Variants in RSPO3 observed in about 807,000 individuals in gnomAD.
RSPO3 encodes R-spondin 3, also known as R-spondin-3.
In RSPO3, 17 loss-of-function variants were observed where a neutral mutation model predicts 36.5. That is an observed-to-expected ratio of 0.47 (90% CI 0.32 to 0.70). The LOEUF (loss-of-function observed/expected upper bound fraction) is 0.70. RSPO3 is among the 30% of genes least tolerant of loss of function. The pLI is 0.04. For missense variants in RSPO3, 294 were observed against 322.5 expected (o/e 0.91, Z 0.68); for synonymous variants, 108 against 107.0 (o/e 1.01, Z -0.06).
intron 4 of RSPO3, among the ~76,000 whole-genome samples, chr6:127,168,731 G>C (rs1378578805): frequency 6.6e-6 from 1 of 152,062 alleles, no homozygotes; most frequent in Non-Finnish European, 1.5e-5. Context: ...TATGGTTTTA[G>C]GTCTGACATT....
intron 4 of RSPO3, among the ~76,000 whole-genome samples, chr6:127,184,884 G>C (rs1485783063): frequency 1.3e-5 from 2 of 151,734 alleles, no homozygotes; most frequent in Non-Finnish European, 2.9e-5. Flanking sequence ...TTCCATCAGT[G>C]GTGGAAAGGG....
At chr6:127,161,486 A>G (rs1294541537) in intron 4 of RSPO3, among the ~76,000 whole-genome samples, 1 of 152,034 alleles carries the variant, frequency 6.6e-6, no homozygotes, top group Non-Finnish European at 1.5e-5. Context: ...TTTGCTCCAT[A>G]CCATTTTTGT....
chr6:127,188,826 T>G lies in RSPO3; in HGVS notation c.635-6997T>G, dbSNP rs565345156. Among the ~76,000 whole-genome samples the G allele has an allele frequency of 2.7e-4, 41 of 152,298 alleles. No individual in the cohort carries two copies. In the South Asian group the frequency reaches 2.7e-3, roughly 10 times the overall value. ...TAAGAAAGTACACTCCAAATCTTGA[T>G]TTTTATAAAACTCCTCTCTTTTAAA... On this transcript the variant is annotated intron_variant, in intron 4 of 4. Coordinates refer to ENST00000356698, the MANE Select transcript of RSPO3 (RefSeq NM_032784.5).
intron 4 of RSPO3, among the ~76,000 whole-genome samples, chr6:127,168,489 A>C (rs1051065417): frequency 2.0e-5 from 3 of 152,098 alleles, no homozygotes. Context: ...TTCTTTGTAC[A>C]TTCTGGATAT....
At position 127,197,669 on chromosome 6, in the gene RSPO3, G is replaced by A. The variant is rs6935292; in HGVS notation, c.*1662G>A. 2.9e-5 allele frequency: 28 copies of A among 962,274 alleles called. No homozygotes were observed. The highest frequency in any genetic ancestry group is 3.3e-4 in the Middle Eastern group (1 of 3,018). 59.6% of individuals were successfully genotyped at this position (962,274 alleles called of 1,614,324 possible). ...TCTGGCTGCTTATCTCTGGACACCC[G>A]TTCTCCACCAGTTGTACAGTTCATG... On this transcript the variant is annotated 3_prime_UTR_variant, in exon 5 of 5. Coordinates refer to ENST00000356698, the MANE Select transcript of RSPO3 (RefSeq NM_032784.5).
intron 1 of RSPO3, among the ~76,000 whole-genome samples, chr6:127,135,228 T>C (rs888012246): frequency 1.3e-5 from 2 of 151,888 alleles, no homozygotes; most frequent in Non-Finnish European, 2.9e-5. Flanking sequence ...GAGACCATCA[T>C]AGCCAACATG....
chr6:127,195,545 T>C (rs1250676698), intron 4 of RSPO3, among the ~76,000 whole-genome samples: 1 of 152,344 alleles, frequency 6.6e-6, no homozygotes, highest in East Asian at 1.9e-4. Flanking sequence ...CATAAATAAC[T>C]ATCATGTAAA....
rs753750220 is a variant in RSPO3 at position 127,155,366 on chromosome 6, A to G, written c.562A>G (p.Asn188Asp). The change falls in exon 4 of 5, where the codon AAC becomes GAC. Residue 188 changes from asparagine (N) to aspartate (D), a missense_variant. This residue lies in a region of RSPO3 where 190 missense variants were observed against 185.2 expected (regional missense o/e 1.03). Coordinates refer to ENST00000356698, the MANE Select transcript of RSPO3 (RefSeq NM_032784.5). Reference sequence around the variant, plus strand: ...AATACAGCATCCTTCAGCAAAGGGTAACCTGTGTCCCCCAACAAATGAGAC... The same window carrying G: ...AATACAGCATCCTTCAGCAAAGGGTGACCTGTGTCCCCCAACAAATGAGAC... ...EIIQHPSAKG[N>D]LCPPTNETRK... is the part of the protein sequence containing the mutation. 2 of 1,613,762 alleles carry G rather than the reference A, an allele frequency of 1.2e-6. No homozygotes were observed. Among genetic ancestry groups the G allele is most frequent in the East Asian group, 4.5e-5 (2 of 44,856 alleles).
intron 4 of RSPO3, among the ~76,000 whole-genome samples, chr6:127,194,415 T>A (rs2114280963): frequency 6.6e-6 from 1 of 152,312 alleles, no homozygotes; most frequent in African/African-American, 2.4e-5. Flanking sequence ...TAGTTTTTGT[T>A]TACTGTAATA....
intron 1 of RSPO3, among the ~76,000 whole-genome samples, chr6:127,127,998 A>C (rs138018635): frequency 6.6e-6 from 1 of 152,090 alleles, no homozygotes; most frequent in Non-Finnish European, 1.5e-5. Context: ...TTTTTTCATT[A>C]AAAGCAATAG....
At chr6:127,173,196 T>A (rs1387027649) in intron 4 of RSPO3, among the ~76,000 whole-genome samples, 2 of 151,886 alleles carry the variant, frequency 1.3e-5, no homozygotes, top group Non-Finnish European at 2.9e-5. Context: ...ACCATTTTGT[T>A]ATTCAAATAA....
chr6:127,156,464 A>G (rs1420775143), intron 4 of RSPO3, among the ~76,000 whole-genome samples: 1 of 152,170 alleles, frequency 6.6e-6, no homozygotes, highest in African/African-American at 2.4e-5. Flanking sequence ...GTGTAGTTTT[A>G]TGTAACTATT....
chr6:127,186,248 T>C (rs1775292092), intron 4 of RSPO3, among the ~76,000 whole-genome samples: 1 of 152,130 alleles, frequency 6.6e-6, no homozygotes, highest in Non-Finnish European at 1.5e-5. Flanking sequence ...CATATACTGA[T>C]TCCAGAACAT....
chr6:127,120,771 C>T (rs1773827864), intron 1 of RSPO3, among the ~76,000 whole-genome samples: 1 of 152,242 alleles, frequency 6.6e-6, no homozygotes, highest in South Asian at 2.1e-4. Flanking sequence ...GCCTCACCGC[C>T]TTTAGGATCA....
rs368166501 is a variant in RSPO3, at chr6:127,181,119, T to G, written c.635-14704T>G. Among the ~76,000 whole-genome samples the G allele has an allele frequency of 7.2e-5, 11 of 151,972 alleles. No individual in the cohort carries two copies. In the South Asian group the frequency reaches 2.3e-3, roughly 31 times the overall value. On this transcript the variant is annotated intron_variant, in intron 4 of 4. Transcript: ENST00000356698. ...AAAGATAGACTATGACTAAATAGCT[T>G]GACAGAAAATCAAACTCAGATCTTT... is the stretch of plus-strand genomic sequence containing the variant.
At chr6:127,168,417 G>GA (rs1177874889) in intron 4 of RSPO3, among the ~76,000 whole-genome samples, 1 of 92,724 alleles carries the variant, frequency 1.1e-5, no homozygotes, top group Non-Finnish European at 2.3e-5. Flanking sequence ...AGAAGTGTCT[G>GA]TTATATCTTT....
Position 127,118,964 on chromosome 6 carries a change from C to T in RSPO3, c.-229C>T, listed in dbSNP as rs1175612995. On this transcript the variant is annotated 5_prime_UTR_variant, in exon 1 of 5. Transcript: ENST00000356698. ...GGCGATGCCAGCCACCCCAGCGAAG[C>T]CGCCGCAGTTCAGTGCTTGGATAAT... 2.9e-6 allele frequency: 1 copy of T among 339,550 alleles called. No individual in the cohort carries two copies. Among genetic ancestry groups the T allele is most frequent in the Non-Finnish European group, 5.3e-6 (1 of 189,562 alleles). 21.0% of individuals were successfully genotyped at this position (339,550 alleles called of 1,614,324 possible).
At chr6:127,170,489 A>G (rs1774914485) in intron 4 of RSPO3, among the ~76,000 whole-genome samples, 1 of 151,570 alleles carries the variant, frequency 6.6e-6, no homozygotes, top group Non-Finnish European at 1.5e-5. Context: ...ACATATATAT[A>G]TAATTACCAT....
At chr6:127,150,293 G>A in intron 2 of RSPO3, 133 bp from the exon 3 acceptor site, 1 of 754,758 alleles carries the variant, frequency 1.3e-6, no homozygotes, top group South Asian at 1.9e-5. Context: ...AATTCAGTCT[G>A]GCAAAATAAT....
Sources: allele counts gnomAD v4.1 joint callset (sites outside exome capture counted in the v4.1 genomes callset), GRCh38; gene constraint gnomAD v4.1.1; regional missense constraint gnomAD v4.1.1; transcripts MANE v1.5; gene names NCBI Gene and HGNC (gene_info 2026-07-23, HGNC 2026-07-21).